Variants in FANCC observed in about 807,000 individuals in gnomAD.
FANCC encodes FA complementation group C.
A neutral mutation model predicts 71.3 loss-of-function variants in FANCC; 55 were observed. The ratio of observed to expected loss-of-function variants is 0.77; its 90% confidence interval spans 0.62 to 0.97. FANCC has a LOEUF of 0.97. Among genes scored for constraint, FANCC ranks in the 50% least tolerant of loss-of-function variants. The pLI is 0.00. For missense variants in FANCC, 678 were observed against 670.9 expected (o/e 1.01, Z -0.12); for synonymous variants, 275 against 244.9 (o/e 1.12, Z -1.15).
At chr9:95,106,792 A>G (rs1288103470) in intron 14 of FANCC, among the ~76,000 whole-genome samples, 1 of 152,130 alleles carries the variant, frequency 6.6e-6, no homozygotes, top group Non-Finnish European at 1.5e-5. Context: ...GGGACAGGAG[A>G]CCTGGCTTCT....
chr9:95,167,692 A>G (rs1825389291), intron 6 of FANCC, among the ~76,000 whole-genome samples: 1 of 151,902 alleles, frequency 6.6e-6, no homozygotes, highest in Admixed American at 6.6e-5. Flanking sequence ...TGATATTCTC[A>G]TTTTGCTCAC....
intron 4 of FANCC, among the ~76,000 whole-genome samples, chr9:95,238,797 C>T (rs1372426042): frequency 1.3e-5 from 2 of 152,148 alleles, no homozygotes; most frequent in Non-Finnish European, 2.9e-5. Context: ...GATCTCCTGA[C>T]GTCATGATCT....
At chr9:95,293,498 G>C (rs2136325481) in intron 1 of FANCC, 9 of 1,585,634 alleles carry the variant, frequency 5.7e-6, no homozygotes, top group Non-Finnish European at 7.7e-6. Flanking sequence ...GTGTTCAAGT[G>C]AACTTGGGTA....
intron 6 of FANCC, among the ~76,000 whole-genome samples, chr9:95,150,537 C>G (rs1830119322): frequency 6.6e-6 from 1 of 152,286 alleles, no homozygotes; most frequent in East Asian, 1.9e-4. Context: ...AACTCACCAC[C>G]ACCTCTAGCC....
intron 4 of FANCC, among the ~76,000 whole-genome samples, chr9:95,192,642 C>A (rs568803308): frequency 3.3e-5 from 5 of 152,220 alleles, no homozygotes; most frequent in Non-Finnish European, 5.9e-5. Flanking sequence ...ATTTGACTAT[C>A]AAATTTTTAA....
intron 3 of FANCC, among the ~76,000 whole-genome samples, chr9:95,246,925 C>CA (rs1831017060): frequency 6.6e-6 from 1 of 152,104 alleles, no homozygotes; most frequent in Admixed American, 6.5e-5. Flanking sequence ...TGGATAAAAC[C>CA]AAAATGGCAC....
intron 6 of FANCC, among the ~76,000 whole-genome samples, chr9:95,166,992 G>A (rs1280713288): frequency 6.6e-6 from 1 of 152,128 alleles, no homozygotes; most frequent in Non-Finnish European, 1.5e-5. Context: ...AGGTCTAATG[G>A]TGATGAACTC....
At chr9:95,189,987 T>G (rs1036824261) in intron 4 of FANCC, among the ~76,000 whole-genome samples, 3 of 152,224 alleles carry the variant, frequency 2.0e-5, no homozygotes, top group Admixed American at 2.0e-4. Context: ...TTGGTCATTT[T>G]GCTTGGCCAC....
At chr9:95,172,432 T>C (rs1417877319) in intron 4 of FANCC, among the ~76,000 whole-genome samples, 1 of 152,250 alleles carries the variant, frequency 6.6e-6, no homozygotes, top group Non-Finnish European at 1.5e-5. Context: ...GAATCTTTAT[T>C]GTTTTTAAAC....
chr9:95,201,301 C>T (rs953042774), intron 4 of FANCC, among the ~76,000 whole-genome samples: 2 of 152,136 alleles, frequency 1.3e-5, no homozygotes, highest in African/African-American at 4.8e-5. Context: ...ATTTCCAGCT[C>T]AGTTAACCTC....
At chr9:95,291,690 G>T (rs975692193) in intron 1 of FANCC, among the ~76,000 whole-genome samples, 1 of 152,046 alleles carries the variant, frequency 6.6e-6, no homozygotes, top group Non-Finnish European at 1.5e-5. Flanking sequence ...ACTCATGCCT[G>T]TAATCCCAGC....
chr9:95,182,022 T>C (rs576403608), intron 4 of FANCC, among the ~76,000 whole-genome samples: 88 of 152,154 alleles, frequency 5.8e-4, no homozygotes, highest in African/African-American at 2.1e-3. Context: ...GCTTGGAACA[T>C]GGTCTGGGTG....
intron 1 of FANCC, chr9:95,293,831 G>C (rs1216679040): frequency 1.9e-6 from 3 of 1,612,860 alleles, no homozygotes; most frequent in Non-Finnish European, 2.5e-6. Flanking sequence ...AAACCAGTGG[G>C]ATACAAAGTC....
chr9:95,144,552 G>A (rs904793968), intron 7 of FANCC, among the ~76,000 whole-genome samples: 2 of 152,128 alleles, frequency 1.3e-5, no homozygotes, highest in Admixed American at 6.5e-5. Flanking sequence ...AGCTTTTGGG[G>A]TTTCACAGAA....
At chr9:95,178,571 G>A (rs533040740) in intron 4 of FANCC, among the ~76,000 whole-genome samples, 7 of 152,302 alleles carry the variant, frequency 4.6e-5, no homozygotes, top group South Asian at 2.1e-4. Flanking sequence ...ACCTCCATTC[G>A]CACAACCAGG....
At chr9:95,172,756 A>G (rs1825767252) in intron 4 of FANCC, among the ~76,000 whole-genome samples, 1 of 152,236 alleles carries the variant, frequency 6.6e-6, no homozygotes, top group Admixed American at 6.5e-5. Context: ...TTTAATGTAA[A>G]TCAAAGAGAT....
chr9:95,157,332 G>C (rs1830507321), intron 6 of FANCC, among the ~76,000 whole-genome samples: 1 of 152,182 alleles, frequency 6.6e-6, no homozygotes, highest in Non-Finnish European at 1.5e-5. Context: ...TTAGAGGCCT[G>C]ATAAATGGTG....
chr9:95,211,652 C>G (rs1378228825), intron 4 of FANCC, among the ~76,000 whole-genome samples: 1 of 152,134 alleles, frequency 6.6e-6, no homozygotes, highest in Non-Finnish European at 1.5e-5. Context: ...ACACATTCAT[C>G]AATGCAATGT....
In FANCC at chr9:95,110,444, T is replaced by C. The variant is rs929911785; in HGVS notation, c.1329+1019A>G. On this transcript the variant is annotated intron_variant, in intron 13 of 14. Coordinates refer to ENST00000289081, the MANE Select transcript of FANCC (RefSeq NM_000136.3). ...ATTTTCCTTAGCTTAACGTGATCTT[T>C]TAAAGGGGAAGAAATAAAAAGCTTT... The C allele has an allele frequency of 8.8e-6, 9 of 1,027,054 alleles. No homozygotes were observed. The African/African-American group carries it at 1.5e-4, about 17-fold the overall frequency. The allele number at this position is 1,027,054 out of a possible 1,614,324, so 63.6% of individuals were successfully genotyped here. A position where few individuals can be genotyped will look rare whatever the true frequency, so the allele number is the denominator to read the frequency against.
Sources: allele counts gnomAD v4.1 joint callset (sites outside exome capture counted in the v4.1 genomes callset), GRCh38; gene constraint gnomAD v4.1.1; transcripts MANE v1.5; gene names NCBI Gene and HGNC (gene_info 2026-07-23, HGNC 2026-07-21).